SHROOM3: variants seen among roughly 807,000 people sequenced by gnomAD.
The protein encoded by SHROOM3 is shroom family member 3, also known as protein Shroom3.
A neutral mutation model predicts 138.6 loss-of-function variants in SHROOM3; 47 were observed. The observed-to-expected ratio is 0.34, with a 90% CI of 0.27 to 0.43. SHROOM3 has a LOEUF of 0.43. SHROOM3 is among the 20% of genes least tolerant of loss of function. The pLI is 1.00. For synonymous variants in SHROOM3, 1,062 were observed against 1,063.3 expected, an observed-to-expected ratio of 1.00 and a Z score of 0.02; for missense variants, 2,491 against 2,596.5, an observed-to-expected ratio of 0.96 and a Z score of 0.88.
chr4:76,495,654 T>C (rs147981580), intron 1 of SHROOM3, among the ~76,000 whole-genome samples: 85 of 152,340 alleles, frequency 5.6e-4, no homozygotes, highest in African/African-American at 2.0e-3. Context: ...AGTTGAGCTA[T>C]TCTGGTGTTC....
chr4:76,732,436 T>G (rs1245101134), intron 4 of SHROOM3, among the ~76,000 whole-genome samples: 1 of 152,208 alleles, frequency 6.6e-6, no homozygotes, highest in African/African-American at 2.4e-5. Flanking sequence ...CTCATGGAAT[T>G]GAACAGGACA....
At chr4:76,572,012 C>T (rs1733841445) in intron 2 of SHROOM3, among the ~76,000 whole-genome samples, 1 of 152,124 alleles carries the variant, frequency 6.6e-6, no homozygotes, top group Admixed American at 6.5e-5. Flanking sequence ...CTGCTTCCTC[C>T]ATACTGCGCC....
chr4:76,487,684 G>A (rs1731761381), intron 1 of SHROOM3, among the ~76,000 whole-genome samples: 1 of 149,898 alleles, frequency 6.7e-6, no homozygotes, highest in African/African-American at 2.5e-5. Flanking sequence ...TTTGAACAGG[G>A]TCATACTTAC....
At position 76,483,851 on chromosome 4, in the gene SHROOM3, A is replaced by G. The variant is rs937987514; in HGVS notation, c.168+47631A>G. On this transcript the variant is annotated intron_variant, in intron 1 of 10. Coordinates refer to ENST00000296043, the MANE Select transcript of SHROOM3 (RefSeq NM_020859.4). ...GTTAATGTCCTTTGCAGGGGCATGG[A>G]TGAAGCTAGAAACCATCATTCTCAG... 5.3e-5 allele frequency among the ~76,000 whole-genome samples: 8 copies of G among 152,314 alleles called. No homozygotes were observed. In the East Asian group the frequency reaches 5.8e-4, roughly 11 times the overall value.
chr4:76,727,611 C>A (rs1026040656), intron 3 of SHROOM3, among the ~76,000 whole-genome samples: 1 of 152,120 alleles, frequency 6.6e-6, no homozygotes, highest in Non-Finnish European at 1.5e-5. Context: ...TTGATTCGGC[C>A]GGGCACGGTG....
chr4:76,606,024 T>TTTTTTTTTC (rs1734613056), intron 2 of SHROOM3, among the ~76,000 whole-genome samples: 1 of 136,994 alleles, frequency 7.3e-6, no homozygotes, highest in African/African-American at 2.7e-5. Context: ...TTTTTTTTTT[T>TTTTTTTTTC]TTTTTTCTGA....
intron 2 of SHROOM3, among the ~76,000 whole-genome samples, chr4:76,658,987 C>T (rs765291001): frequency 6.6e-6 from 1 of 151,204 alleles, no homozygotes; most frequent in Non-Finnish European, 1.5e-5. Flanking sequence ...CCACCACTGA[C>T]TCACTGGTAA....
chr4:76,533,149 G>A (rs1385509265), intron 1 of SHROOM3, among the ~76,000 whole-genome samples: 1 of 152,146 alleles, frequency 6.6e-6, no homozygotes, highest in East Asian at 1.9e-4. Context: ...ATGGTTGACT[G>A]AGGATGATTA....
chr4:76,581,841 C>G (rs1327927932), intron 2 of SHROOM3, among the ~76,000 whole-genome samples: 2 of 152,116 alleles, frequency 1.3e-5, no homozygotes, highest in Admixed American at 6.6e-5. Context: ...ATCGTGAACC[C>G]CACGAAGTTC....
At chr4:76,456,000 T>C (rs1326573800) in intron 1 of SHROOM3, among the ~76,000 whole-genome samples, 1 of 152,008 alleles carries the variant, frequency 6.6e-6, no homozygotes, top group East Asian at 1.9e-4. Flanking sequence ...TTTGTACACT[T>C]TACTTTTTAT....
chr4:76,443,663 T>C (rs1409142636), intron 1 of SHROOM3, among the ~76,000 whole-genome samples: 1 of 152,154 alleles, frequency 6.6e-6, no homozygotes, highest in Non-Finnish European at 1.5e-5. Flanking sequence ...CTCTACTAAA[T>C]CTAAGCACTG....
rs1730550222 is a variant in SHROOM3, at chr4:76,435,770, CG to C, written c.-282del. On this transcript the variant is annotated 5_prime_UTR_variant, in exon 1 of 11. It introduces an in-frame stop codon into an upstream open reading frame of the 5' UTR. Coordinates refer to ENST00000296043, the MANE Select transcript of SHROOM3 (RefSeq NM_020859.4). ...AGAGCGCCACTGAAGGAAGTTTTGACGAACGGAGTAGAGATGTATACCACTT... is the reference window on the plus strand; with the variant it reads ...AGAGCGCCACTGAAGGAAGTTTTGACAACGGAGTAGAGATGTATACCACTT... The C allele has an allele frequency of 1.6e-5, 4 of 254,372 alleles. No homozygotes were observed. The highest frequency in any genetic ancestry group is 2.7e-5 in the Non-Finnish European group (4 of 146,448). The allele number at this position is 254,372 out of a possible 1,614,324, so 15.8% of individuals were successfully genotyped here.
chr4:76,738,264 T>A (rs1721134616), intron 4 of SHROOM3, among the ~76,000 whole-genome samples: 1 of 152,176 alleles, frequency 6.6e-6, no homozygotes, highest in African/African-American at 2.4e-5. Context: ...GGTGTATCCT[T>A]CAATTCCATA....
chr4:76,436,154 A>G lies in SHROOM3; in HGVS notation c.102A>G (p.Gly34=). ...TTTATCTGGAGGCATTCCTGGAGGG[A>G]GGAGCTCCCTGGGGTTTTACTCTAA... ...RYIYLEAFLE[G]GAPWGFTLKG... Residue 34 remains glycine, a synonymous_variant, in exon 1 of 11, where the codon GGA becomes GGG. Transcript: ENST00000296043. 6.2e-7 allele frequency: 1 copy of G among 1,614,048 alleles called. No individual in the cohort carries two copies. Among genetic ancestry groups the G allele is most frequent in the Non-Finnish European group, 8.5e-7 (1 of 1,179,920 alleles).
intron 1 of SHROOM3, among the ~76,000 whole-genome samples, chr4:76,503,441 T>TA (rs1169334260): frequency 3.3e-5 from 5 of 152,134 alleles, no homozygotes; most frequent in Non-Finnish European, 5.9e-5. Flanking sequence ...TATATATATA[T>TA]TTTTTGAGAC....
At chr4:76,541,103 AC>A in intron 1 of SHROOM3, among the ~76,000 whole-genome samples, 1 of 152,268 alleles carries the variant, frequency 6.6e-6, no homozygotes, top group Non-Finnish European at 1.5e-5. Flanking sequence ...TATTTGTAAA[AC>A]GTTTTACATA....
At chr4:76,530,015 T>C (rs184324144) in intron 1 of SHROOM3, among the ~76,000 whole-genome samples, 209 of 152,338 alleles carry the variant, frequency 1.4e-3, no homozygotes, top group Non-Finnish European at 2.4e-3. Flanking sequence ...ATTTTGTTTG[T>C]AGAAATACAC....
intron 2 of SHROOM3, among the ~76,000 whole-genome samples, chr4:76,704,258 T>A (rs1719985143): frequency 6.6e-6 from 1 of 152,218 alleles, no homozygotes; most frequent in South Asian, 2.1e-4. Context: ...AGACACTCAC[T>A]GTGCTAGGCC....
chr4:76,612,942 T>C (rs1734794638), intron 2 of SHROOM3, among the ~76,000 whole-genome samples: 1 of 152,084 alleles, frequency 6.6e-6, no homozygotes, highest in Admixed American at 6.5e-5. Flanking sequence ...ACCCTGTCTC[T>C]AAAGAAAAAA....
Sources: allele counts gnomAD v4.1 joint callset (sites outside exome capture counted in the v4.1 genomes callset), GRCh38; gene constraint gnomAD v4.1.1; transcripts MANE v1.5; gene names NCBI Gene and HGNC (gene_info 2026-07-23, HGNC 2026-07-21).